NXPE2: variants seen among roughly 807,000 people sequenced by gnomAD.
The protein encoded by NXPE2 is neurexophilin and PC-esterase domain family member 2, also known as NXPE family member 2.
A neutral mutation model predicts 34.4 loss-of-function variants in NXPE2; 34 were observed. That is an observed-to-expected ratio of 0.99 (90% CI 0.75 to 1.31). The LOEUF is 1.31. NXPE2 is among the 40% of genes most tolerant of loss of function. NXPE2 has a pLI of 0.00. For missense variants in NXPE2, 649 were observed against 672.5 expected (o/e 0.97, Z 0.39); for synonymous variants, 235 against 231.3 (o/e 1.02, Z -0.15).
the NXPE2 span, chr11:114,580,037 A>G: frequency 5.4e-6 from 6 of 1,106,310 alleles, no homozygotes; most frequent in Non-Finnish European, 8.1e-6. Context: ...GAAGAATATG[A>G]AAAAAAGAGG....
the NXPE2 span, among the ~76,000 whole-genome samples, chr11:114,509,902 C>T: frequency 6.6e-6 from 1 of 152,250 alleles, no homozygotes; most frequent in Non-Finnish European, 1.5e-5. Context: ...AACAAACCTG[C>T]ACATGTACCC....
the NXPE2 span, among the ~76,000 whole-genome samples, chr11:114,811,564 A>G: frequency 6.6e-6 from 1 of 152,168 alleles, no homozygotes; most frequent in South Asian, 2.1e-4. Context: ...ACAGCCAGGC[A>G]GTGGTAGGAA....
chr11:114,641,335 T>C, the NXPE2 span, among the ~76,000 whole-genome samples: 3 of 152,100 alleles, frequency 2.0e-5, no homozygotes, highest in African/African-American at 7.2e-5. Context: ...AGCAATACGT[T>C]ATTTTCAAGT....
the NXPE2 span, among the ~76,000 whole-genome samples, chr11:114,590,175 CA>C: frequency 6.6e-6 from 1 of 152,132 alleles, no homozygotes; most frequent in Non-Finnish European, 1.5e-5. Flanking sequence ...CAGGGTCTTG[CA>C]ATATGTGGAT....
At chr11:114,718,082 G>T in the NXPE2 span, among the ~76,000 whole-genome samples, 1 of 152,158 alleles carries the variant, frequency 6.6e-6, no homozygotes, top group Non-Finnish European at 1.5e-5. Flanking sequence ...ATATATAATT[G>T]CTGTATGAAT....
chr11:114,580,190 G>T, the NXPE2 span: 4 of 1,614,026 alleles, frequency 2.5e-6, no homozygotes, highest in Non-Finnish European at 3.4e-6. Context: ...CTCCCATTAG[G>T]TATATGAGTT....
chr11:114,775,203 T>C, the NXPE2 span, among the ~76,000 whole-genome samples: 2 of 152,176 alleles, frequency 1.3e-5, no homozygotes, highest in Non-Finnish European at 2.9e-5. Flanking sequence ...TTCCTCCAGG[T>C]CCGCCTTCAG....
At chr11:114,667,856 A>G in the NXPE2 span, among the ~76,000 whole-genome samples, 11 of 152,142 alleles carry the variant, frequency 7.2e-5, 1 homozygote, top group Admixed American at 5.9e-4. Context: ...AGAACCACCC[A>G]AATAAGCCAC....
At chr11:114,765,542 T>C in the NXPE2 span, among the ~76,000 whole-genome samples, 1 of 152,210 alleles carries the variant, frequency 6.6e-6, no homozygotes, top group African/African-American at 2.4e-5. Context: ...AGTTGCTTTA[T>C]TGTGATTTTT....
chr11:114,613,301 T>A, the NXPE2 span, among the ~76,000 whole-genome samples: 2 of 151,940 alleles, frequency 1.3e-5, no homozygotes, highest in East Asian at 3.9e-4. Flanking sequence ...GGATAATAAG[T>A]ACTGCCTCAT....
At chr11:114,610,252 C>T in the NXPE2 span, among the ~76,000 whole-genome samples, 2 of 151,734 alleles carry the variant, frequency 1.3e-5, no homozygotes, top group East Asian at 3.9e-4. Flanking sequence ...CCACTGTTAC[C>T]CTCTGGATAA....
At chr11:114,581,071 G>A in the NXPE2 span, among the ~76,000 whole-genome samples, 1 of 152,172 alleles carries the variant, frequency 6.6e-6, no homozygotes, top group East Asian at 1.9e-4. Context: ...TTACACTTCA[G>A]TGTAAATAGG....
chr11:114,759,150 C>T, the NXPE2 span, among the ~76,000 whole-genome samples: 7 of 152,140 alleles, frequency 4.6e-5, no homozygotes, highest in African/African-American at 1.7e-4. Flanking sequence ...TTTTAATTGT[C>T]AGCTAGGATT....
chr11:114,528,255 G>A, the NXPE2 span, among the ~76,000 whole-genome samples: 1 of 152,098 alleles, frequency 6.6e-6, no homozygotes, highest in African/African-American at 2.4e-5. Flanking sequence ...ATTACTGTGA[G>A]CCTCTAATTG....
the NXPE2 span, among the ~76,000 whole-genome samples, chr11:114,592,925 G>A: frequency 6.6e-6 from 1 of 151,930 alleles, no homozygotes; most frequent in Non-Finnish European, 1.5e-5. Context: ...TACAATGGGG[G>A]AACAAAAGTA....
the NXPE2 span, among the ~76,000 whole-genome samples, chr11:114,620,484 CG>C: frequency 6.6e-6 from 1 of 151,890 alleles, no homozygotes; most frequent in Non-Finnish European, 1.5e-5. Context: ...CACTGTTGCC[CG>C]GTGGATAATA....
At chr11:114,521,267 T>G in the NXPE2 span, among the ~76,000 whole-genome samples, 2 of 152,232 alleles carry the variant, frequency 1.3e-5, no homozygotes, top group East Asian at 1.9e-4. Flanking sequence ...GATTTTGCTT[T>G]TATTCTTGCA....
intron 2 of NXPE2, among the ~76,000 whole-genome samples, chr11:114,680,639 G>A (rs868848287): frequency 2.6e-4 from 39 of 151,816 alleles, no homozygotes; most frequent in South Asian, 6.2e-4. Context: ...AAGTCTGGGA[G>A]CCTTCTGCCC....
At chr11:114,695,197 A>C (rs1951227021) in intron 2 of NXPE2, among the ~76,000 whole-genome samples, 3 of 152,096 alleles carry the variant, frequency 2.0e-5, no homozygotes, top group African/African-American at 7.2e-5. Context: ...GGGTGTTTCT[A>C]GGGACTCCTT....
Sources: gnomAD v4.1 joint callset for allele counts (sites outside exome capture counted in the v4.1 genomes callset) on GRCh38, gnomAD v4.1.1 for gene constraint, MANE v1.5 for transcripts, NCBI Gene and HGNC (gene_info 2026-07-23, HGNC 2026-07-21) for gene names.